The following NCKAP5 variants were observed in gnomAD, a reference collection of about 807,000 sequenced individuals.
NCKAP5 encodes the protein NCK associated protein 5, also known as nck-associated protein 5.
Under a neutral mutation model 167.0 loss-of-function variants are expected in NCKAP5, and 92 were observed. That is an observed-to-expected ratio of 0.55 (90% CI 0.47 to 0.66). NCKAP5 has a LOEUF of 0.66. NCKAP5 is among the 30% of genes least tolerant of loss of function. The pLI, the probability that NCKAP5 is intolerant of heterozygous loss-of-function variation, is 0.00. For synonymous variants in NCKAP5, 891 were observed against 877.4 expected (o/e 1.02, Z -0.27); for missense variants, 2,378 against 2,315.0 (o/e 1.03, Z -0.56).
In NCKAP5 at chr2:132,783,080, T is replaced by A; in HGVS notation, c.3731A>T (p.Asp1244Val). 6.2e-7 allele frequency: 1 copy of A among 1,613,848 alleles called. No individual in the cohort carries two copies. Among genetic ancestry groups the A allele is most frequent in the Non-Finnish European group, 8.5e-7 (1 of 1,179,850 alleles). The change falls in exon 14 of 20, where the codon GAT becomes GTT. Residue 1244 changes from aspartate to valine, a missense_variant. By Grantham distance (152) the Asp-to-Val change is radical. This residue lies in a region of NCKAP5 where 1,325 missense variants were observed against 1,274.5 expected (regional missense o/e 1.04). Transcript: ENST00000409261. Reference protein sequence around the residue: ...ESSIPGSDGRDGVDNRSMRRS... With the variant: ...ESSIPGSDGRVGVDNRSMRRS... Reference sequence around the variant, plus strand: ...TCTCATGGATCTATTATCTACCCCATCCCTTCCATCACTCCCAGGGATGCT... The same window carrying A: ...TCTCATGGATCTATTATCTACCCCAACCCTTCCATCACTCCCAGGGATGCT...
At chr2:132,893,325 G>A (rs759565388) in intron 8 of NCKAP5, among the ~76,000 whole-genome samples, 2 of 152,158 alleles carry the variant, frequency 1.3e-5, no homozygotes, top group East Asian at 1.9e-4. Context: ...GTAGGTACCC[G>A]CAAACACATA....
chr2:133,134,635 A>T (rs188151192), intron 5 of NCKAP5, among the ~76,000 whole-genome samples: 43 of 152,364 alleles, frequency 2.8e-4, no homozygotes, highest in African/African-American at 9.9e-4. Context: ...ACAAAGAGAA[A>T]GACAGGTATT....
At chr2:133,315,851 G>A (rs1681571193) in intron 3 of NCKAP5, among the ~76,000 whole-genome samples, 1 of 152,116 alleles carries the variant, frequency 6.6e-6, no homozygotes, top group Non-Finnish European at 1.5e-5. Flanking sequence ...GTTGGGGAAA[G>A]GTGAAGAATA....
At chr2:133,545,481 T>C (rs908692792) in intron 2 of NCKAP5, among the ~76,000 whole-genome samples, 3 of 152,142 alleles carry the variant, frequency 2.0e-5, no homozygotes, top group African/African-American at 7.2e-5. Context: ...TCTAAAAATA[T>C]GCATATTTGT....
chr2:133,024,037 G>C (rs574791034), intron 6 of NCKAP5, among the ~76,000 whole-genome samples: 13 of 152,070 alleles, frequency 8.5e-5, no homozygotes, highest in Non-Finnish European at 1.3e-4. Flanking sequence ...CCTTCTCACT[G>C]ACATGAATGT....
At chr2:133,396,989 T>C (rs967091800) in intron 3 of NCKAP5, among the ~76,000 whole-genome samples, 2 of 152,338 alleles carry the variant, frequency 1.3e-5, no homozygotes, top group South Asian at 2.1e-4. Flanking sequence ...GAAGACTAAA[T>C]GGGGAAGCAA....
intron 3 of NCKAP5, among the ~76,000 whole-genome samples, chr2:133,344,494 G>A (rs1452590829): frequency 1.3e-5 from 2 of 151,934 alleles, no homozygotes; most frequent in East Asian, 3.9e-4. Context: ...GCAGCACCGA[G>A]CACAGAGGAA....
chr2:132,834,267 G>A (rs1687724861), intron 11 of NCKAP5, among the ~76,000 whole-genome samples: 1 of 152,122 alleles, frequency 6.6e-6, no homozygotes, highest in Non-Finnish European at 1.5e-5. Context: ...TGTAATCATA[G>A]CTCACTGTAG....
intron 11 of NCKAP5, among the ~76,000 whole-genome samples, chr2:132,850,918 C>T (rs1689027276): frequency 6.6e-6 from 1 of 152,116 alleles, no homozygotes; most frequent in South Asian, 2.1e-4. Context: ...GTCACAGTGG[C>T]ATCGGCTTCC....
intron 4 of NCKAP5, among the ~76,000 whole-genome samples, chr2:133,284,342 TAGA>T (rs368216273): frequency 3.8e-4 from 58 of 152,112 alleles, no homozygotes; most frequent in African/African-American, 1.3e-3. Flanking sequence ...CAACAGGAGG[TAGA>T]AGAAGTTGGA....
chr2:133,027,852 C>T (rs2078749851), intron 6 of NCKAP5, among the ~76,000 whole-genome samples: 1 of 152,060 alleles, frequency 6.6e-6, no homozygotes, highest in Admixed American at 6.6e-5. Context: ...ATAATATTTG[C>T]ATAGTATCAC....
intron 5 of NCKAP5, among the ~76,000 whole-genome samples, chr2:133,138,189 T>C (rs528203774): frequency 1.3e-5 from 2 of 152,224 alleles, no homozygotes; most frequent in South Asian, 2.1e-4. Flanking sequence ...GGGGGTACTA[T>C]GAATTAAAGA....
chr2:133,571,475 G>C (rs558982302), upstream of NCKAP5, among the ~76,000 whole-genome samples: 21 of 152,206 alleles, frequency 1.4e-4, no homozygotes, highest in South Asian at 3.9e-3. Flanking sequence ...CCTCCTGCCC[G>C]CCTGCTAGTC....
rs1386996914 is a variant in NCKAP5 at position 132,785,615 on chromosome 2, C to T, written c.1196G>A (p.Ser399Asn). The change falls in exon 14 of 20, where the codon AGC becomes AAC. Residue 399 changes from serine (S) to asparagine (N), a missense_variant. Transcript: ENST00000409261. The stretch of plus-strand genomic sequence containing the variant: ...CTTTCTTAGCCCTTCCAAAATGTGG[C>T]TTTCCTTGATACGAGTTGGAGGTAG... The part of the protein sequence containing the change: ...NELPPTRIKE[S>N]HILEGLRKLQ... 17 of 1,567,470 alleles carry T rather than the reference C, an allele frequency of 1.1e-5. No homozygotes were observed. The highest frequency in any genetic ancestry group is 1.7e-4 in the Middle Eastern group (1 of 5,826).
chr2:133,320,886 C>G (rs974342605), intron 3 of NCKAP5, among the ~76,000 whole-genome samples: 8 of 152,164 alleles, frequency 5.3e-5, no homozygotes, highest in Non-Finnish European at 1.0e-4. Flanking sequence ...GTTGGTCACT[C>G]TACCACAATC....
chr2:133,112,535 C>T (rs1422281144), intron 6 of NCKAP5, among the ~76,000 whole-genome samples: 3 of 152,056 alleles, frequency 2.0e-5, no homozygotes, highest in Non-Finnish European at 4.4e-5. Flanking sequence ...AATACAGAGG[C>T]CTGCAATCAC....
chr2:133,520,856 C>T (rs1219060836), intron 2 of NCKAP5, among the ~76,000 whole-genome samples: 7 of 152,148 alleles, frequency 4.6e-5, no homozygotes, highest in African/African-American at 1.2e-4. Context: ...CATAAACGTA[C>T]AGTCCAATCA....
intron 4 of NCKAP5, among the ~76,000 whole-genome samples, chr2:133,289,649 C>A (rs897309321): frequency 6.6e-6 from 1 of 151,818 alleles, no homozygotes; most frequent in African/African-American, 2.4e-5. Flanking sequence ...CGAGATCGTG[C>A]CACTACACTC....
intron 3 of NCKAP5, among the ~76,000 whole-genome samples, chr2:133,380,326 T>C (rs933609323): frequency 6.6e-6 from 1 of 151,930 alleles, no homozygotes; most frequent in Non-Finnish European, 1.5e-5. Context: ...CAGTGAGCAA[T>C]TTTTTTTAGT....
Sources: allele counts gnomAD v4.1 joint callset (sites outside exome capture counted in the v4.1 genomes callset), GRCh38; gene constraint gnomAD v4.1.1; regional missense constraint gnomAD v4.1.1; transcripts MANE v1.5; gene names NCBI Gene and HGNC (gene_info 2026-07-23, HGNC 2026-07-21).